Variants in MICAL2 observed in about 807,000 individuals in gnomAD.
The protein encoded by MICAL2 is [F-actin]-monooxygenase MICAL2.
In MICAL2, 77 loss-of-function variants were observed where a neutral mutation model predicts 127.3. That is an observed-to-expected ratio of 0.60 (90% confidence interval 0.50 to 0.73). The LOEUF (loss-of-function observed/expected upper bound fraction) is 0.73, where lower values mean the gene tolerates loss of function less well. Among genes scored for constraint, MICAL2 ranks in the 30% least tolerant of loss-of-function variants. The pLI is 0.00. For synonymous variants in MICAL2, 570 were observed against 551.1 expected, an observed-to-expected ratio of 1.03 and a Z score of -0.48; for missense variants, 1,351 against 1,434.4, an observed-to-expected ratio of 0.94 and a Z score of 0.94.
intron 15 of MICAL2, 66 bp downstream of exon 15, chr11:12,227,197 T>C (rs1474955091): frequency 8.6e-7 from 1 of 1,166,104 alleles, no homozygotes; most frequent in East Asian, 2.4e-5. Context: ...GGAACGGAGA[T>C]TGTCACATTC....
At chr11:12,344,469 A>G (rs1301380253) in intron 32 of MICAL2, among the ~76,000 whole-genome samples, 1 of 119,540 alleles carries the variant, frequency 8.4e-6, no homozygotes, top group Non-Finnish European at 1.8e-5. Context: ...AAAATTCTAG[A>G]AACTATTATT....
intron 3 of MICAL2, among the ~76,000 whole-genome samples, chr11:12,196,586 A>T (rs1380397452): frequency 1.3e-5 from 2 of 152,170 alleles, no homozygotes; most frequent in Non-Finnish European, 2.9e-5. Flanking sequence ...GAGAGAGTCA[A>T]GAAAGTAGGT....
intron 32 of MICAL2, among the ~76,000 whole-genome samples, chr11:12,345,700 T>C (rs1356919940): frequency 6.6e-6 from 1 of 152,176 alleles, no homozygotes. Flanking sequence ...ACTACCACCA[T>C]TGTGGAAAGG....
At chr11:12,306,155 A>T (rs527860892) in intron 29 of MICAL2, among the ~76,000 whole-genome samples, 1 of 152,214 alleles carries the variant, frequency 6.6e-6, no homozygotes, top group Non-Finnish European at 1.5e-5. Context: ...ATGAAGACGT[A>T]ACATTACCAG....
intron 17 of MICAL2, among the ~76,000 whole-genome samples, chr11:12,239,813 A>T (rs1014674128): frequency 1.3e-5 from 2 of 152,380 alleles, no homozygotes; most frequent in African/African-American, 4.8e-5. Flanking sequence ...TGTAGTATGA[A>T]AGCAGCAGTA....
chr11:12,137,629 C>T (rs1280921452), intron 1 of MICAL2, among the ~76,000 whole-genome samples: 1 of 152,020 alleles, frequency 6.6e-6, no homozygotes, highest in Non-Finnish European at 1.5e-5. Flanking sequence ...GTGTGGGGGG[C>T]ACCACTCTGT....
chr11:12,249,778 G>A (rs561324756), intron 22 of MICAL2, among the ~76,000 whole-genome samples: 4 of 152,202 alleles, frequency 2.6e-5, no homozygotes, highest in East Asian at 1.9e-4. Context: ...AAGTGTAGCC[G>A]GGACACCTGG....
intron 32 of MICAL2, among the ~76,000 whole-genome samples, chr11:12,328,809 G>A (rs1017079268): frequency 6.6e-5 from 10 of 152,140 alleles, no homozygotes; most frequent in Non-Finnish European, 1.0e-4. Flanking sequence ...TTACATGAGA[G>A]CGATGAAACT....
chr11:12,294,347 C>T (rs1192432230), downstream of MICAL2: 1 of 1,614,192 alleles, frequency 6.2e-7, no homozygotes, highest in East Asian at 2.2e-5. Context: ...TTTGCCCGCA[C>T]AGGCCTGCAC....
rs1219587048 is a variant in MICAL2 at position 12,249,099 on chromosome 11, T to C, written c.2785-85T>C. ...TATGCAAAATGCCTGAAGTATCCTGTAAAGCTTCTCTTTCCCCAGTGGAAG... is the reference window on the plus strand; with the variant it reads ...TATGCAAAATGCCTGAAGTATCCTGCAAAGCTTCTCTTTCCCCAGTGGAAG... On this transcript the variant is annotated intron_variant, in intron 21 of 27. Transcript: ENST00000683283. 3.8e-6 allele frequency: 6 copies of C among 1,579,394 alleles called. No homozygotes were observed. The Admixed American group carries it at 1.0e-4, about 27-fold the overall frequency.
At chr11:12,296,466 A>G (rs911064518), downstream of MICAL2, among the ~76,000 whole-genome samples, 1 of 150,830 alleles carries the variant, frequency 6.6e-6, no homozygotes. Flanking sequence ...ATTAAACTTT[A>G]GTTTAATAAA....
At chr11:12,167,951 G>A (rs1405147042) in intron 3 of MICAL2, among the ~76,000 whole-genome samples, 4 of 152,046 alleles carry the variant, frequency 2.6e-5, no homozygotes, top group African/African-American at 9.7e-5. Context: ...TGTTAATCCA[G>A]GTTTACTGAG....
intron 25 of MICAL2, 192 bp from the exon 26 acceptor site, chr11:12,259,603 T>G: frequency 2.1e-6 from 1 of 476,060 alleles, no homozygotes; most frequent in Non-Finnish European, 3.7e-6. Flanking sequence ...GGCTCGTGAC[T>G]CCTATGGTCA....
rs187340515 is a variant in MICAL2, at chr11:12,354,191, C to G, written c.5616-593C>G. Among the ~76,000 whole-genome samples the G allele has an allele frequency of 7.2e-5, 11 of 152,272 alleles. No individual in the cohort carries two copies. The East Asian group carries it at 2.1e-3, about 29-fold the overall frequency. On this transcript the variant is annotated intron_variant, in intron 33 of 34. Transcript: ENST00000646065. ...GCAGAACCTTCAGTTTAAAGACAGG[C>G]TAAGGCTGGGTGCAGTGGCTCATGC...
chr11:12,250,052 G>A (rs1861332616), intron 22 of MICAL2: 1 of 152,222 alleles, frequency 6.6e-6, no homozygotes, highest in Admixed American at 6.5e-5. Flanking sequence ...TCTTTGTAGA[G>A]GTCTAGCCAT....
Position 12,259,330 on chromosome 11 carries a change from A to G in MICAL2, c.3232-465A>G, listed in dbSNP as rs189781016. On this transcript the variant is annotated intron_variant, in intron 25 of 27. Transcript: ENST00000683283. ...TCCTTTTCTTCACTAACTGTATATC[A>G]AGAATAGTTTCCCATGACATTAAAT... is the stretch of plus-strand genomic sequence containing the variant. Among the ~76,000 whole-genome samples the G allele has an allele frequency of 4.6e-5, 7 of 152,330 alleles. 1 individual carries two copies. Among genetic ancestry groups the G allele is most frequent in the African/African-American group, 1.7e-4 (7 of 41,576 alleles).
At chr11:12,251,933 GTC>G (rs1861613085) in intron 22 of MICAL2, among the ~76,000 whole-genome samples, 2 of 152,302 alleles carry the variant, frequency 1.3e-5, no homozygotes, top group Admixed American at 1.3e-4. Flanking sequence ...AAAAAGTATA[GTC>G]TCTGCTTACT....
rs78127890 is a variant in MICAL2 at position 12,239,454 on chromosome 11, C to T, written c.2083C>T (p.Arg695Cys). 455 of 1,614,170 alleles carry T rather than the reference C, an allele frequency of 2.8e-4. 4 individuals are homozygous for T. In the East Asian group the frequency reaches 7.4e-3, roughly 26 times the overall value. ...TTTGCAGCCTTCAAACTTTTCCAGC[C>T]GTAGCTTGGGCTCCAATCAAGAGTG... ...NLDEPSNFSS[R>C]SLGSNQECGS... is the part of the protein sequence containing the mutation. The change falls in exon 17 of 28, where the codon CGT becomes TGT. Residue 695 changes from arginine to cysteine, a missense_variant. Physicochemically the swap from Arg to Cys is radical, Grantham distance 180. Around this residue, in one of 2 missense-constraint regions of MICAL2, gnomAD observed 752 missense variants for 719.4 expected, o/e 1.05. Coordinates refer to ENST00000683283, the MANE Select transcript of MICAL2 (RefSeq NM_001282663.2).
intron 32 of MICAL2, among the ~76,000 whole-genome samples, chr11:12,329,658 T>C (rs1232642580): frequency 6.6e-6 from 1 of 152,076 alleles, no homozygotes; most frequent in African/African-American, 2.4e-5. Context: ...GAATTAGAAG[T>C]GTTGATAGGC....
Sources: allele counts gnomAD v4.1 joint callset (sites outside exome capture counted in the v4.1 genomes callset), GRCh38; gene constraint gnomAD v4.1.1; regional missense constraint gnomAD v4.1.1; transcripts MANE v1.5; gene names NCBI Gene and HGNC (gene_info 2026-07-23, HGNC 2026-07-21).